DRAXIN: variants seen among roughly 807,000 people sequenced by gnomAD.
DRAXIN encodes dorsal repulsive axon guidance protein.
Under a neutral mutation model 33.9 loss-of-function variants are expected in DRAXIN, and 27 were observed. That is an observed-to-expected ratio of 0.80 (90% confidence interval 0.59 to 1.10). The LOEUF (loss-of-function observed/expected upper bound fraction) is 1.10. Ranked by LOEUF, DRAXIN falls within the 50% of genes least tolerant of loss-of-function variation. The pLI is 0.00. For synonymous variants in DRAXIN, 178 were observed against 194.0 expected (o/e 0.92, Z 0.69); for missense variants, 371 against 460.8 (o/e 0.81, Z 1.78).
intron 1 of DRAXIN, among the ~76,000 whole-genome samples, chr1:11,697,698 G>A (rs890966602): frequency 2.0e-5 from 3 of 152,068 alleles, no homozygotes; most frequent in Non-Finnish European, 2.9e-5. Flanking sequence ...GAGGGGCTCA[G>A]CTAGTGGCTG....
chr1:11,686,807 T>TAAAAAAAAAAAAAAAAAAAAAAA (rs560855200), upstream of DRAXIN, among the ~76,000 whole-genome samples: 1 of 104,484 alleles, frequency 9.6e-6, no homozygotes, highest in South Asian at 3.7e-4. Context: ...ACTGCCACTT[T>TAAAAAAAAAAAAAAAAAAAAAAA]AAAAAAAAAA....
chr1:11,706,668 G>A lies in DRAXIN; in HGVS notation c.410G>A (p.Arg137Lys), dbSNP rs1641387072. ...PGWERTRKRS[R>K]EHKRRRDRLR... is the part of the protein sequence containing the mutation. ...TGGGAGAGGACCAGGAAACGCAGCA[G>A]GGAGCACAAGAGACGCAGGGACAGG... Residue 137 changes from arginine to lysine, a missense_variant, in exon 2 of 7, where the codon AGG becomes AAG. Coordinates refer to ENST00000294485, the MANE Select transcript of DRAXIN (RefSeq NM_198545.4). The surrounding 1 kb of genome is among the most constrained non-coding windows in gnomAD (Gnocchi z 5.5). 3.1e-6 allele frequency: 5 copies of A among 1,596,820 alleles called. No individual in the cohort carries two copies. In the South Asian group the frequency reaches 3.3e-5, roughly 11 times the overall value.
Position 11,719,818 on chromosome 1 carries a change from G to A in DRAXIN, c.*122G>A. On this transcript the variant is annotated 3_prime_UTR_variant, in exon 7 of 7. Transcript: ENST00000294485. Reference sequence around the variant, plus strand: ...GCTGAGGCTGCAGACTCAGGCCCAGGACACTCAACCCCAGGAGGGGAGCCG... The same window carrying A: ...GCTGAGGCTGCAGACTCAGGCCCAGAACACTCAACCCCAGGAGGGGAGCCG... 1.1e-6 allele frequency: 1 copy of A among 928,476 alleles called. No homozygotes were observed. Among genetic ancestry groups the A allele is most frequent in the South Asian group, 1.5e-5 (1 of 64,808 alleles). 57.5% of individuals were successfully genotyped at this position (928,476 alleles called of 1,614,324 possible).
At chr1:11,700,504 A>C (rs1355561528) in intron 1 of DRAXIN, among the ~76,000 whole-genome samples, 2 of 152,236 alleles carry the variant, frequency 1.3e-5, no homozygotes, top group Admixed American at 6.5e-5. Context: ...CCATGTTCAA[A>C]TTGGGTAGAG....
At chr1:11,713,514 C>T (rs1385882462) in intron 5 of DRAXIN, among the ~76,000 whole-genome samples, 1 of 152,196 alleles carries the variant, frequency 6.6e-6, no homozygotes, top group Non-Finnish European at 1.5e-5. Context: ...AACAAGAAGC[C>T]GGACGTTGTA....
intron 1 of DRAXIN, among the ~76,000 whole-genome samples, chr1:11,695,545 T>C (rs1641177124): frequency 6.6e-6 from 1 of 151,292 alleles, no homozygotes; most frequent in Non-Finnish European, 1.5e-5. Context: ...GAGGCTGCAG[T>C]GAGCTGAGAT....
intron 5 of DRAXIN, 38 bp downstream of exon 5, chr1:11,712,467 G>T: frequency 6.2e-7 from 1 of 1,612,048 alleles, no homozygotes; most frequent in Non-Finnish European, 8.5e-7. Context: ...ACCAGGCTGG[G>T]TACTGGGAGG....
chr1:11,689,688 C>T (rs1188249236), upstream of DRAXIN, among the ~76,000 whole-genome samples: 1 of 152,192 alleles, frequency 6.6e-6, no homozygotes, highest in Admixed American at 6.5e-5. Flanking sequence ...AAATGGGCAA[C>T]CAGCAACCCT....
At chr1:11,690,418 TAG>T (rs1227862878), upstream of DRAXIN, among the ~76,000 whole-genome samples, 1 of 152,162 alleles carries the variant, frequency 6.6e-6, no homozygotes, top group Non-Finnish European at 1.5e-5. The surrounding 1 kb of genome is among the most constrained non-coding windows in gnomAD (Gnocchi z 4.2). Context: ...GGCCAGACCT[TAG>T]AAACGTTATC....
At position 11,712,375 on chromosome 1, in the gene DRAXIN, G is replaced by A. The variant is rs200827019; in HGVS notation, c.793G>A (p.Glu265Lys). The change falls in exon 5 of 7, where the codon GAA (glutamate) becomes AAA (lysine). Residue 265 changes from glutamate (E) to lysine (K), a missense_variant. Physicochemically the swap from Glu to Lys is moderately conservative, Grantham distance 56 (BLOSUM62 1). Transcript: ENST00000294485. The part of the protein sequence containing the change: ...HRGKLSSDGN[E>K]TSPAEGEPCD... The stretch of plus-strand genomic sequence containing the variant: ...CGGTAAACTCTCCAGTGATGGTAAC[G>A]AAACATCACCAGCCGAAGGGGAACC... 6.2e-6 allele frequency: 10 copies of A among 1,613,902 alleles called. No homozygotes were observed. The highest frequency in any genetic ancestry group is 2.7e-5 in the African/African-American group (2 of 74,882).
intron 6 of DRAXIN, among the ~76,000 whole-genome samples, chr1:11,718,940 G>T (rs974166676): frequency 6.6e-6 from 1 of 151,992 alleles, no homozygotes; most frequent in Non-Finnish European, 1.5e-5. Context: ...TAGCTCTGTC[G>T]CCCCAGCTGG....
chr1:11,706,210 GC>G lies in DRAXIN; in HGVS notation c.-10-37del, dbSNP rs1321714416. The G allele has an allele frequency of 2.0e-6, 3 of 1,480,398 alleles. No homozygotes were observed. The highest frequency in any genetic ancestry group is 2.7e-6 in the Non-Finnish European group (3 of 1,109,212). The allele number at this position is 1,480,398 out of a possible 1,614,324, so 91.7% of individuals were successfully genotyped here. ...TTTGAGTGAGGGGCAGCAGAGAGAG[GC>G]CTGGGGCTGCGCATTCATGGTGTTG... On this transcript the variant is annotated intron_variant, in intron 1 of 6. Coordinates refer to ENST00000294485, the MANE Select transcript of DRAXIN (RefSeq NM_198545.4). The surrounding 1 kb of genome is among the most constrained non-coding windows in gnomAD (Gnocchi z 5.5).
In DRAXIN at chr1:11,694,754, CAG is replaced by C. The variant is rs2100728697; in HGVS notation, c.-11+2902_-11+2903del. ...CATGCCCTACTCCAGCCTTCCTTCTCAGGGGTGAGTCGCTGTGGCCAGTGGTC... is the reference window on the plus strand; with the variant it reads ...CATGCCCTACTCCAGCCTTCCTTCTCGGGTGAGTCGCTGTGGCCAGTGGTC... On this transcript the variant is annotated intron_variant, in intron 1 of 6. Transcript: ENST00000294485. This position sits in a 1 kb window ranked among gnomAD's most constrained non-coding sequence, Gnocchi z 4.9. Among the ~76,000 whole-genome samples, 1 of 152,278 alleles carries C rather than the reference CAG, an allele frequency of 6.6e-6. No individual in the cohort carries two copies. Among genetic ancestry groups the C allele is most frequent in the Admixed American group, 6.5e-5 (1 of 15,296 alleles).
At chr1:11,708,975 C>T (rs1318581863) in intron 2 of DRAXIN, among the ~76,000 whole-genome samples, 1 of 152,228 alleles carries the variant, frequency 6.6e-6, no homozygotes, top group Admixed American at 6.5e-5. Context: ...ATTTGTTATA[C>T]TTACATATCT....
At chr1:11,714,281 G>T (rs1641540973) in intron 5 of DRAXIN, among the ~76,000 whole-genome samples, 1 of 152,212 alleles carries the variant, frequency 6.6e-6, no homozygotes, top group African/African-American at 2.4e-5. Context: ...AATGACGAAA[G>T]GTGGAGGAAG....
chr1:11,719,460 A>G (rs1420055503), intron 6 of DRAXIN, 124 bp from the exon 7 acceptor site: 3 of 779,964 alleles, frequency 3.8e-6, no homozygotes, highest in Non-Finnish European at 4.2e-6. Context: ...GCCGTGAGGA[A>G]GCTGGGTTGT....
intron 1 of DRAXIN, among the ~76,000 whole-genome samples, chr1:11,702,747 C>CTTTTTTTTTTTT (rs33972819): frequency 4.8e-5 from 7 of 145,552 alleles, no homozygotes; most frequent in Non-Finnish European, 6.0e-5. Flanking sequence ...GGTATGAATT[C>CTTTTTTTTTTTT]TTTTTTTTTT....
rs1262637162 is a variant in DRAXIN at position 11,694,569 on chromosome 1, G to A, written c.-11+2716G>A. Among the ~76,000 whole-genome samples the A allele has an allele frequency of 6.6e-6, 1 of 152,174 alleles. No individual in the cohort carries two copies. Among genetic ancestry groups the A allele is most frequent in the Non-Finnish European group, 1.5e-5 (1 of 68,026 alleles). ...GGACCCAGAGGGAGTTCCTTCACGT[G>A]TGTCGGCCAGGAATGTGATGGAGCA... is the stretch of plus-strand genomic sequence containing the variant. On this transcript the variant is annotated intron_variant, in intron 1 of 6. Transcript: ENST00000294485. The surrounding 1 kb of genome is among the most constrained non-coding windows in gnomAD (Gnocchi z 4.9).
chr1:11,693,694 T>C (rs904983284), intron 1 of DRAXIN, among the ~76,000 whole-genome samples: 7 of 152,170 alleles, frequency 4.6e-5, no homozygotes, highest in African/African-American at 1.7e-4. Context: ...CCTACTTTGG[T>C]GAACCCGGCC....
Sources: allele counts gnomAD v4.1 joint callset (sites outside exome capture counted in the v4.1 genomes callset), GRCh38; gene constraint gnomAD v4.1.1; non-coding constraint Gnocchi (gnomAD v3.1); transcripts MANE v1.5; gene names NCBI Gene and HGNC (gene_info 2026-07-23, HGNC 2026-07-21).